The following DMD variants were observed in gnomAD, a reference collection of about 807,000 sequenced individuals.
The protein encoded by DMD is mutant dystrophin.
A neutral mutation model predicts 330.1 loss-of-function variants in DMD; 63 were observed. The observed-to-expected ratio is 0.19, with a 90% CI of 0.16 to 0.24. The LOEUF (loss-of-function observed/expected upper bound fraction) is 0.24, where lower values mean the gene tolerates loss of function less well. Among genes scored for constraint, DMD ranks in the 10% least tolerant of loss-of-function variants. DMD has a pLI of 1.00. For synonymous variants in DMD, 1,223 were observed against 959.8 expected, an observed-to-expected ratio of 1.27 and a Z score of -5.07; for missense variants, 3,344 against 2,684.1, an observed-to-expected ratio of 1.25 and a Z score of -5.43.
chrX:31,214,213 T>TG (rs2045083422), intron 64 of DMD, among the ~76,000 whole-genome samples: 1 of 112,566 alleles, frequency 8.9e-6, no homozygotes, highest in Admixed American at 9.4e-5. Flanking sequence ...ATAATTCAAG[T>TG]GGGGCACTTA....
In DMD at chrX:32,081,581, G is replaced by A. The variant is rs765054776; in HGVS notation, c.6439-113067C>T. Among the ~76,000 whole-genome samples, 21 of 111,836 alleles carry A rather than the reference G, an allele frequency of 1.9e-4. No homozygotes were observed. The East Asian group carries it at 5.4e-3, about 28-fold the overall frequency. Reference sequence around the variant, plus strand: ...ACTTTATTTTAGAGTCTGGCCGGGCGTAGTGGCTCACGCCTGTAATCCCAG... The same window carrying A: ...ACTTTATTTTAGAGTCTGGCCGGGCATAGTGGCTCACGCCTGTAATCCCAG... On this transcript the variant is annotated intron_variant, in intron 44 of 78. Transcript: ENST00000357033.
At chrX:32,114,379 A>G (rs1270411524) in intron 44 of DMD, among the ~76,000 whole-genome samples, 1 of 111,368 alleles carries the variant, frequency 9.0e-6, no homozygotes, top group East Asian at 2.8e-4. Context: ...CTTTGAATAT[A>G]TACTTTTACT....
chrX:32,251,433 C>T (rs1282231876), intron 43 of DMD, among the ~76,000 whole-genome samples: 1 of 111,369 alleles, frequency 9.0e-6, no homozygotes, highest in Admixed American at 9.6e-5. Flanking sequence ...CTTTTCTGTT[C>T]TCCAGCTCAA....
At chrX:33,003,519 A>T in intron 2 of DMD, among the ~76,000 whole-genome samples, 1 of 112,072 alleles carries the variant, frequency 8.9e-6, no homozygotes, top group African/African-American at 3.2e-5. Flanking sequence ...TATATAATAT[A>T]CAGTAAACTA....
At chrX:32,561,411 T>C (rs922405392) in intron 16 of DMD, among the ~76,000 whole-genome samples, 26 of 111,449 alleles carry the variant, frequency 2.3e-4, no homozygotes, top group African/African-American at 4.6e-4. Context: ...ATCTCAGAGC[T>C]TGAAGACTAT....
chrX:32,104,779 C>T (rs1478394281), intron 44 of DMD, among the ~76,000 whole-genome samples: 1 of 111,334 alleles, frequency 9.0e-6, no homozygotes, highest in Admixed American at 9.6e-5. Flanking sequence ...TTTCAAATGT[C>T]CCCTGAATAT....
rs61325834 is a variant in DMD, at chrX:32,715,469, C to CAAAAAAA, written c.650-16183_650-16177dup. Among the ~76,000 whole-genome samples, 26 of 17,224 alleles carry CAAAAAAA rather than the reference C, an allele frequency of 1.5e-3. 1 individual carries two copies. Among genetic ancestry groups the CAAAAAAA allele is most frequent in the Non-Finnish European group, 2.3e-3 (19 of 8,365 alleles). 15.0% of individuals were successfully genotyped at this position (17,224 alleles called of 115,157 possible). A position where few individuals can be genotyped will look rare whatever the true frequency, so the allele number is the denominator to read the frequency against. ...ATCAGCCTGGTGACAGAGATTCCATCAAAAAAAAAAAAAAAAAAAAAAAAA... is the reference window on the plus strand; with the variant it reads ...ATCAGCCTGGTGACAGAGATTCCATCAAAAAAAAAAAAAAAAAAAAAAAAAAAAAAAA... On this transcript the variant is annotated intron_variant, in intron 7 of 78. Coordinates refer to ENST00000357033, the MANE Select transcript of DMD (RefSeq NM_004006.3).
chrX:31,938,054 T>C (rs2094946092), intron 45 of DMD, among the ~76,000 whole-genome samples: 1 of 111,090 alleles, frequency 9.0e-6, no homozygotes, highest in African/African-American at 3.2e-5. Flanking sequence ...GCTACTCATG[T>C]GTTGCTAAAT....
At chrX:32,523,896 A>T (rs1186129120) in intron 17 of DMD, among the ~76,000 whole-genome samples, 1 of 109,475 alleles carries the variant, frequency 9.1e-6, no homozygotes, top group Non-Finnish European at 1.9e-5. Context: ...GTTTGTTTTT[A>T]GTTTGAAAGT....
At chrX:33,011,230 A>G (rs16990818) in intron 2 of DMD, among the ~76,000 whole-genome samples, 13,009 of 111,016 alleles carry the variant, frequency 0.12, 1,495 homozygotes, top group African/African-American at 0.35. Context: ...GCAAATTAAC[A>G]TGACTAAGCC....
At chrX:32,833,321 T>C (rs1363381316) in intron 4 of DMD, among the ~76,000 whole-genome samples, 1 of 110,619 alleles carries the variant, frequency 9.0e-6, no homozygotes, top group Non-Finnish European at 1.9e-5. Context: ...CCTAAGAAAA[T>C]ATGAACATTT....
At chrX:31,851,156 G>T (rs2093518075) in intron 48 of DMD, among the ~76,000 whole-genome samples, 2 of 111,095 alleles carry the variant, frequency 1.8e-5, no homozygotes, top group African/African-American at 6.6e-5. Context: ...AGGTTTGCTA[G>T]ACCACTGCAA....
chrX:32,559,945 C>A (rs1200834823), intron 16 of DMD, among the ~76,000 whole-genome samples: 2 of 110,816 alleles, frequency 1.8e-5, no homozygotes, highest in Non-Finnish European at 1.9e-5. Context: ...ACATATACAG[C>A]ATAAACATGA....
At chrX:31,212,455 G>A (rs2044830899) in intron 64 of DMD, among the ~76,000 whole-genome samples, 1 of 109,483 alleles carries the variant, frequency 9.1e-6, no homozygotes, top group African/African-American at 3.3e-5. Flanking sequence ...AGTGGCGGTT[G>A]GGGGGCGGCG....
intron 50 of DMD, among the ~76,000 whole-genome samples, chrX:31,788,274 GCTGTATTATTAC>G (rs2091408187): frequency 8.9e-6 from 1 of 112,047 alleles, no homozygotes; most frequent in African/African-American, 3.2e-5. Context: ...GATCTGTGAA[GCTGTATTATTAC>G]AGTTGCTTCA....
At chrX:31,994,404 C>T (rs1158263550) in intron 44 of DMD, among the ~76,000 whole-genome samples, 1 of 111,835 alleles carries the variant, frequency 8.9e-6, no homozygotes, top group Non-Finnish European at 1.9e-5. Context: ...TTCCCATGAA[C>T]GCTGTCCCTT....
intron 55 of DMD, among the ~76,000 whole-genome samples, chrX:31,614,673 C>T (rs536516253): frequency 8.9e-6 from 1 of 112,091 alleles, no homozygotes; most frequent in South Asian, 3.7e-4. Context: ...GGCGTAATGA[C>T]TTCTTTTACC....
chrX:31,380,724 C>T (rs1181837764), intron 60 of DMD, among the ~76,000 whole-genome samples: 1 of 110,750 alleles, frequency 9.0e-6, no homozygotes, highest in African/African-American at 3.3e-5. Flanking sequence ...CCTCCCTCCA[C>T]AACCCATTAT....
intron 9 of DMD, among the ~76,000 whole-genome samples, chrX:32,654,711 G>C (rs1038937963): frequency 3.6e-5 from 4 of 111,856 alleles, no homozygotes; most frequent in Non-Finnish European, 7.5e-5. Flanking sequence ...CATTGGAATA[G>C]TTTCAGAAGG....
Sources: gnomAD v4.1 joint callset for allele counts (sites outside exome capture counted in the v4.1 genomes callset) on GRCh38, gnomAD v4.1.1 for gene constraint, MANE v1.5 for transcripts, NCBI Gene and HGNC (gene_info 2026-07-23, HGNC 2026-07-21) for gene names.